The following OXTR variants were observed in gnomAD, a reference collection of about 807,000 sequenced individuals.
OXTR encodes the protein oxytocin receptor.
A neutral mutation model predicts 23.9 loss-of-function variants in OXTR; 19 were observed. That is an observed-to-expected ratio of 0.80 (90% CI 0.56 to 1.17). OXTR has a LOEUF of 1.17. Ranked by LOEUF, OXTR falls within the 50% of genes most tolerant of loss-of-function variation. OXTR has a pLI of 0.00. For missense variants in OXTR, 500 were observed against 550.7 expected, an observed-to-expected ratio of 0.91 and a Z score of 0.92; for synonymous variants, 278 against 250.5, an observed-to-expected ratio of 1.11 and a Z score of -1.04.
downstream of OXTR, among the ~76,000 whole-genome samples, chr3:8,749,112 G>A (rs1277771493): frequency 2.0e-5 from 3 of 152,248 alleles, no homozygotes; most frequent in East Asian, 1.9e-4. Context: ...CCAAGGTAGC[G>A]TTCTGAACCC....
chr3:8,761,346 T>C (rs1244701994), intron 3 of OXTR, among the ~76,000 whole-genome samples: 1 of 151,996 alleles, frequency 6.6e-6, no homozygotes, highest in Non-Finnish European at 1.5e-5. Context: ...TGTGTGTAGG[T>C]GTTGCAGGAA....
chr3:8,741,542 A>C, the OXTR span, among the ~76,000 whole-genome samples: 1 of 152,134 alleles, frequency 6.6e-6, no homozygotes, highest in Non-Finnish European at 1.5e-5. Flanking sequence ...GTAGAGTTGA[A>C]AAAAGAAAAC....
intron 3 of OXTR, among the ~76,000 whole-genome samples, chr3:8,757,185 C>T (rs1356215895): frequency 6.6e-6 from 1 of 151,842 alleles, no homozygotes; most frequent in African/African-American, 2.4e-5. Context: ...GGAGGCGGCA[C>T]TCATAAGGCT....
chr3:8,753,580 A>G (rs1708314369), intron 3 of OXTR, among the ~76,000 whole-genome samples: 1 of 152,194 alleles, frequency 6.6e-6, no homozygotes. Flanking sequence ...TTGAGTGCCT[A>G]CAACTTCGAG....
chr3:8,767,831 C>G lies in OXTR; in HGVS notation c.357G>C (p.Gln119His). 2 of 1,611,984 alleles carry G rather than the reference C, an allele frequency of 1.2e-6. No homozygotes were observed. Among genetic ancestry groups the G allele is most frequent in the Non-Finnish European group, 1.7e-6 (2 of 1,179,010 alleles). Residue 119 changes from glutamine to histidine, a missense_variant, in exon 3 of 4, where the codon CAG (glutamine) becomes CAC (histidine). By Grantham distance (24) the Gln-to-His change is conservative. Transcript: ENST00000316793. The part of the protein sequence containing the change: ...DLLCRLVKYL[Q>H]VVGMFASTYL... The stretch of plus-strand genomic sequence containing the variant: ...AGGTGGAGGCGAACATGCCCACCAC[C>G]TGCAAGTACTTGACCAGGCGGCACA...
At chr3:8,763,007 CAGGCATCCCCTGGGGTAAA>C (rs1559675303) in intron 3 of OXTR, among the ~76,000 whole-genome samples, 2 of 152,192 alleles carry the variant, frequency 1.3e-5, no homozygotes, top group Admixed American at 1.3e-4. Flanking sequence ...AGCCTTGTGC[CAGGCATCCCCTGGGGTAAA>C]AGGCATCCCC....
Position 8,755,661 on chromosome 3 carries a change from G to A in OXTR, c.923-2437C>T, listed in dbSNP as rs1226829292. The stretch of plus-strand genomic sequence containing the variant: ...CACAGACACGAGTGACCTCAAGTGG[G>A]TCCTCAGGGGATGAAGGGCCCTCTC... On this transcript the variant is annotated intron_variant, in intron 3 of 3. Transcript: ENST00000316793. 2.0e-5 allele frequency among the ~76,000 whole-genome samples: 3 copies of A among 152,166 alleles called. No individual in the cohort carries two copies. In the East Asian group the frequency reaches 5.8e-4, roughly 29 times the overall value.
chr3:8,768,143 G>A lies in OXTR; in HGVS notation c.45C>T (p.Asn15=). ...LAANWSAEAA[N]ASAAPPGAEG... ...CGGCCCCCGGCGGCGCGGCGCTGGC[G>A]TTGGCTGCCTCGGCGCTCCAGTTGG... The change falls in exon 3 of 4, where the codon AAC becomes AAT. Residue 15 remains asparagine, a synonymous_variant. Transcript: ENST00000316793. This position sits in a 1 kb window ranked among gnomAD's most constrained non-coding sequence, Gnocchi z 5.4. 7.5e-7 allele frequency: 1 copy of A among 1,341,488 alleles called. No homozygotes were observed. The highest frequency in any genetic ancestry group is 2.0e-5 in the South Asian group (1 of 48,914). The allele number at this position is 1,341,488 out of a possible 1,614,324, so 83.1% of individuals were successfully genotyped here.
At chr3:8,764,047 C>A (rs1327397614) in intron 3 of OXTR, among the ~76,000 whole-genome samples, 1 of 152,152 alleles carries the variant, frequency 6.6e-6, no homozygotes, top group African/African-American at 2.4e-5. Context: ...ACAAAGGCAG[C>A]CCTTGGTATT....
the OXTR span, among the ~76,000 whole-genome samples, chr3:8,744,445 A>ATTTTTTTTTTTTTTT: frequency 5.4e-5 from 6 of 111,410 alleles, no homozygotes; most frequent in African/African-American, 1.2e-4. Context: ...TACCCGGCTA[A>ATTTTTTTTTTTTTTT]TTTTTTTTTT....
intron 3 of OXTR, among the ~76,000 whole-genome samples, chr3:8,765,383 C>T (rs111804566): frequency 1.3e-5 from 2 of 152,078 alleles, no homozygotes; most frequent in Admixed American, 6.6e-5. Context: ...GGCGAGGGGA[C>T]CCCAAGGAGA....
At chr3:8,758,909 T>G (rs1234441895) in intron 3 of OXTR, among the ~76,000 whole-genome samples, 1 of 152,162 alleles carries the variant, frequency 6.6e-6, no homozygotes, top group African/African-American at 2.4e-5. Flanking sequence ...GCCACACGTG[T>G]AAAGGCAAAC....
chr3:8,767,781 T>C lies in OXTR; in HGVS notation c.407A>G (p.Asp136Gly). ...STYLLLLMSLDRCLAICQPLR... is the reference protein window; with the variant it reads ...STYLLLLMSLGRCLAICQPLR... ...CGGCTGGCAGATGGCCAGGCAGCGG[T>C]CCAGGGACATGAGCAGCAGCAGGTA... Residue 136 changes from aspartate (D) to glycine (G), a missense_variant, in exon 3 of 4, where the codon GAC (aspartate) becomes GGC (glycine). Transcript: ENST00000316793. The C allele has an allele frequency of 3.1e-6, 5 of 1,606,144 alleles. No homozygotes were observed. The highest frequency in any genetic ancestry group is 3.4e-6 in the Non-Finnish European group (4 of 1,176,508).
chr3:8,768,215 C>T lies in OXTR; in HGVS notation c.-28G>A. On this transcript the variant is annotated 5_prime_UTR_variant, in exon 3 of 4. Coordinates refer to ENST00000316793, the MANE Select transcript of OXTR (RefSeq NM_000916.4). This position sits in a 1 kb window ranked among gnomAD's most constrained non-coding sequence, Gnocchi z 5.4. ...CCCTGGCGGCAGCGGTGCGCCCCGG[C>T]CTTCGAGCCCTTTACGGCTTGGCGC... The T allele has an allele frequency of 1.6e-6, 2 of 1,278,612 alleles. No individual in the cohort carries two copies. Among genetic ancestry groups the T allele is most frequent in the East Asian group, 3.2e-5 (1 of 31,242 alleles). 79.2% of individuals were successfully genotyped at this position (1,278,612 alleles called of 1,614,324 possible).
At chr3:8,747,392 C>T (rs1045826566), downstream of OXTR, among the ~76,000 whole-genome samples, 2 of 152,186 alleles carry the variant, frequency 1.3e-5, no homozygotes, top group Admixed American at 6.5e-5. Context: ...CAGCTACATA[C>T]CCATCTTGGC....
downstream of OXTR, among the ~76,000 whole-genome samples, chr3:8,749,604 T>C (rs992768006): frequency 1.3e-5 from 2 of 152,186 alleles, no homozygotes; most frequent in Non-Finnish European, 2.9e-5. Context: ...CAGAACTGCA[T>C]CCTGTTAGCT....
At position 8,751,257 on chromosome 3, in the gene OXTR, A is replaced by T. The variant is rs1419834963; in HGVS notation, c.*1720T>A. The T allele has an allele frequency of 2.0e-5, 3 of 152,148 alleles. No individual in the cohort carries two copies. The highest frequency in any genetic ancestry group is 7.2e-5 in the African/African-American group (3 of 41,428). 9.4% of individuals were successfully genotyped at this position (152,148 alleles called of 1,614,324 possible). On this transcript the variant is annotated 3_prime_UTR_variant, in exon 4 of 4. Coordinates refer to ENST00000316793, the MANE Select transcript of OXTR (RefSeq NM_000916.4). ...TTTCTCCTTATTGTTGTGTTATAAGAGTTATTTATATATTCCAGATACAAG... is the reference window on the plus strand; with the variant it reads ...TTTCTCCTTATTGTTGTGTTATAAGTGTTATTTATATATTCCAGATACAAG...
chr3:8,743,939 T>C, the OXTR span, among the ~76,000 whole-genome samples: 4 of 152,174 alleles, frequency 2.6e-5, no homozygotes, highest in South Asian at 2.1e-4. Flanking sequence ...ATGAAAGTAA[T>C]TTTAATATTG....
At chr3:8,758,823 C>T (rs1052517464) in intron 3 of OXTR, among the ~76,000 whole-genome samples, 4 of 152,188 alleles carry the variant, frequency 2.6e-5, no homozygotes, top group African/African-American at 9.7e-5. Context: ...TGGAAGAAGA[C>T]AAGCCAGGGC....
Sources: allele counts gnomAD v4.1 joint callset (sites outside exome capture counted in the v4.1 genomes callset), GRCh38; gene constraint gnomAD v4.1.1; non-coding constraint Gnocchi (gnomAD v3.1); transcripts MANE v1.5; gene names NCBI Gene and HGNC (gene_info 2026-07-23, HGNC 2026-07-21).